SULT1B1: variants seen among roughly 807,000 people sequenced by gnomAD.
The protein encoded by SULT1B1 is sulfotransferase 1B1.
Under a neutral mutation model 34.6 loss-of-function variants are expected in SULT1B1, and 28 were observed. The ratio of observed to expected loss-of-function variants is 0.81; its 90% CI spans 0.60 to 1.11. SULT1B1 has a LOEUF of 1.11. Among genes scored for constraint, SULT1B1 ranks in the 50% least tolerant of loss-of-function variants. The pLI is 0.00. For missense variants in SULT1B1, 374 were observed against 352.2 expected, an observed-to-expected ratio of 1.06 and a Z score of -0.50; for synonymous variants, 147 against 110.2, an observed-to-expected ratio of 1.33 and a Z score of -2.09.
At chr4:69,728,750 A>T (rs1717940386) in intron 7 of SULT1B1, among the ~76,000 whole-genome samples, 1 of 152,016 alleles carries the variant, frequency 6.6e-6, no homozygotes, top group Non-Finnish European at 1.5e-5. Context: ...AATATCCTAA[A>T]TGCTTACATA....
chr4:69,739,556 G>T (rs1258183361), intron 4 of SULT1B1, among the ~76,000 whole-genome samples: 1 of 152,190 alleles, frequency 6.6e-6, no homozygotes, highest in East Asian at 1.9e-4. Context: ...CCTGGGTCTG[G>T]CCTGTGAAAC....
chr4:69,730,628 A>C lies in SULT1B1; in HGVS notation c.651T>G (p.Asn217Lys), dbSNP rs1234065790. ...KIIRFLEKNL[N>K]DEILDRIIHH... The stretch of plus-strand genomic sequence containing the variant: ...GGATGATCCTATCCAAGATCTCATC[A>C]TTCAGGTTCTTCTCTAGAAATCTAA... The change falls in exon 7 of 8, where the codon AAT becomes AAG. Residue 217 changes from asparagine (N) to lysine (K), a missense_variant. Asn to Lys is a moderately conservative substitution (Grantham distance 94). Transcript: ENST00000310613. 1 of 1,613,204 alleles carries C rather than the reference A, an allele frequency of 6.2e-7. No individual in the cohort carries two copies. The highest frequency in any genetic ancestry group is 2.2e-5 in the East Asian group (1 of 44,766).
chr4:69,746,297 T>A (rs1272414915), intron 4 of SULT1B1, among the ~76,000 whole-genome samples: 1 of 152,226 alleles, frequency 6.6e-6, no homozygotes, highest in Non-Finnish European at 1.5e-5. Context: ...TCCTCAGATA[T>A]GTTTTCCAAG....
At chr4:69,744,197 G>A (rs933667439) in intron 4 of SULT1B1, among the ~76,000 whole-genome samples, 5 of 152,118 alleles carry the variant, frequency 3.3e-5, no homozygotes, top group South Asian at 2.1e-4. Flanking sequence ...GCCTCATTGC[G>A]GTAGCAGGGT....
chr4:69,740,284 G>C (rs1300477748), intron 4 of SULT1B1, among the ~76,000 whole-genome samples: 1 of 152,202 alleles, frequency 6.6e-6, no homozygotes, highest in African/African-American at 2.4e-5. Context: ...AAGTTTAGTT[G>C]ACTCACAGTT....
At chr4:69,736,188 G>A (rs192486355) in intron 4 of SULT1B1, among the ~76,000 whole-genome samples, 5 of 152,270 alleles carry the variant, frequency 3.3e-5, no homozygotes, top group African/African-American at 4.8e-5. Flanking sequence ...GGAATCACAC[G>A]TCCCAGTGGT....
At position 69,755,226 on chromosome 4, in the gene SULT1B1, C is replaced by T. The variant is rs193034528; in HGVS notation, c.-9G>A. 47 of 1,611,942 alleles carry T rather than the reference C, an allele frequency of 2.9e-5. No individual in the cohort carries two copies. The highest frequency in any genetic ancestry group is 3.8e-5 in the Non-Finnish European group (45 of 1,178,194). On this transcript the variant is annotated 5_prime_UTR_variant, in exon 2 of 8. Coordinates refer to ENST00000310613, the MANE Select transcript of SULT1B1 (RefSeq NM_014465.4). ...TCTTTTGGGGAAAGCATTTTAATAC[C>T]AGATTGTACAAATATATAATAGATT...
intron 4 of SULT1B1, among the ~76,000 whole-genome samples, chr4:69,735,420 C>A (rs566927761): frequency 6.6e-6 from 1 of 152,202 alleles, no homozygotes; most frequent in Non-Finnish European, 1.5e-5. Context: ...GCTCCACACC[C>A]GGGTCTCTGT....
At chr4:69,755,315 A>C (rs1719148190) in intron 1 of SULT1B1, 54 bp from the exon 2 acceptor site, 1 of 1,351,172 alleles carries the variant, frequency 7.4e-7, no homozygotes, top group Non-Finnish European at 1.0e-6. Context: ...TGTTGGTCTT[A>C]AGACACTGCA....
In SULT1B1 at chr4:69,733,478, T is replaced by C. The variant is rs1718167936; in HGVS notation, c.532A>G (p.Lys178Glu). ...TCTTCCTTTTTCTTCCACCAGTTTT[T>C]AACATGAGTAAACCAGGAACCATAG... ...VAYGSWFTHV[K>E]NWWKKKEEHP... Residue 178 changes from lysine (K) to glutamate (E), a missense_variant, in exon 6 of 8, where the codon AAA (lysine) becomes GAA (glutamate). Physicochemically the swap from Lys to Glu is moderately conservative, Grantham distance 56 (BLOSUM62 1). Transcript: ENST00000310613. 1.2e-6 allele frequency: 2 copies of C among 1,608,152 alleles called. No homozygotes were observed. Among genetic ancestry groups the C allele is most frequent in the East Asian group, 4.5e-5 (2 of 44,292 alleles).
At chr4:69,730,479 T>G (rs201524989) in intron 7 of SULT1B1, 22 bp downstream of exon 7, 4 of 1,580,112 alleles carry the variant, frequency 2.5e-6, no homozygotes, top group Non-Finnish European at 3.5e-6. Context: ...GAAAGGGAAA[T>G]TAAACCCAGC....
chr4:69,755,227 A>G lies in SULT1B1; in HGVS notation c.-10T>C. On this transcript the variant is annotated 5_prime_UTR_variant, in exon 2 of 8. Transcript: ENST00000310613. ...CTTTTGGGGAAAGCATTTTAATACC[A>G]GATTGTACAAATATATAATAGATTG... is the stretch of plus-strand genomic sequence containing the variant. 6.2e-7 allele frequency: 1 copy of G among 1,612,224 alleles called. No homozygotes were observed. The highest frequency in any genetic ancestry group is 8.5e-7 in the Non-Finnish European group (1 of 1,178,338).
chr4:69,735,224 A>T (rs1305862919), intron 4 of SULT1B1, among the ~76,000 whole-genome samples: 1 of 152,186 alleles, frequency 6.6e-6, no homozygotes, highest in African/African-American at 2.4e-5. Flanking sequence ...CAATGTGGTG[A>T]GTTCCTCCTA....
intron 1 of SULT1B1, chr4:69,758,331 G>A: frequency 1.0e-6 from 1 of 985,372 alleles, no homozygotes; most frequent in Non-Finnish European, 1.2e-6. Flanking sequence ...CTTGAGAATA[G>A]TGCCCCTTCT....
chr4:69,733,031 A>G (rs1185129019), intron 6 of SULT1B1, among the ~76,000 whole-genome samples: 1 of 152,134 alleles, frequency 6.6e-6, no homozygotes, highest in East Asian at 1.9e-4. Flanking sequence ...ATTAGCACAT[A>G]AATAGTTGTG....
Position 69,722,802 on chromosome 4 carries a change from C to T in SULT1B1, c.*4286G>A, listed in dbSNP as rs1717697123. 1 of 152,054 alleles carries T rather than the reference C, an allele frequency of 6.6e-6. No homozygotes were observed. The highest frequency in any genetic ancestry group is 1.5e-5 in the Non-Finnish European group (1 of 68,052). 9.4% of individuals were successfully genotyped at this position (152,054 alleles called of 1,614,324 possible). ...CCTGTGAAGTCAAAATACGATAAGC[C>T]ATAGCTACCTCAGTTGTGGCTCAGA... On this transcript the variant is annotated 3_prime_UTR_variant, in exon 8 of 8. Transcript: ENST00000310613.
intron 4 of SULT1B1, among the ~76,000 whole-genome samples, chr4:69,742,754 C>A (rs1488929773): frequency 2.0e-5 from 3 of 152,228 alleles, no homozygotes; most frequent in African/African-American, 7.2e-5. Flanking sequence ...CTCATGCCTG[C>A]CGAGGGTGAG....
intron 1 of SULT1B1, among the ~76,000 whole-genome samples, chr4:69,759,532 G>A (rs1719317452): frequency 6.6e-6 from 1 of 152,126 alleles, no homozygotes; most frequent in Admixed American, 6.5e-5. Context: ...CTGGGAAGTG[G>A]GTGTGTCCAA....
At chr4:69,756,410 C>CA (rs1719195315) in intron 1 of SULT1B1, among the ~76,000 whole-genome samples, 1 of 152,114 alleles carries the variant, frequency 6.6e-6, no homozygotes, top group African/African-American at 2.4e-5. Flanking sequence ...AAACACTACT[C>CA]AGAGTGTTTC....
Sources: gnomAD v4.1 joint callset for allele counts (sites outside exome capture counted in the v4.1 genomes callset) on GRCh38, gnomAD v4.1.1 for gene constraint, MANE v1.5 for transcripts, NCBI Gene and HGNC (gene_info 2026-07-23, HGNC 2026-07-21) for gene names.